The following EFHC2 variants were observed in gnomAD, a reference collection of about 807,000 sequenced individuals.
The protein encoded by EFHC2 is EF-hand domain-containing family member C2.
A neutral mutation model predicts 52.7 loss-of-function variants in EFHC2; 18 were observed. That is an observed-to-expected ratio of 0.34 (90% CI 0.24 to 0.51). The LOEUF is 0.51. Ranked by LOEUF, EFHC2 falls within the 20% of genes least tolerant of loss-of-function variation. The pLI is 0.97. For synonymous variants in EFHC2, 203 were observed against 204.1 expected (o/e 0.99, Z 0.04); for missense variants, 513 against 562.5 (o/e 0.91, Z 0.89).
chrX:44,177,271 C>G (rs746217496), intron 12 of EFHC2, among the ~76,000 whole-genome samples: 15 of 111,954 alleles, frequency 1.3e-4, no homozygotes, highest in Non-Finnish European at 2.1e-4. Context: ...AAAATACCAT[C>G]TTTATAAAAA....
chrX:44,182,290 C>G (rs2036841926), intron 11 of EFHC2, among the ~76,000 whole-genome samples: 1 of 112,622 alleles, frequency 8.9e-6, no homozygotes, highest in African/African-American at 3.2e-5. Flanking sequence ...ATTGTACTAT[C>G]ATACTATTGT....
At chrX:44,241,445 C>A (rs1244718870) in intron 8 of EFHC2, among the ~76,000 whole-genome samples, 1 of 112,039 alleles carries the variant, frequency 8.9e-6, no homozygotes, top group African/African-American at 3.2e-5. Flanking sequence ...CATTAATCAC[C>A]AAATAACACT....
rs375882817 is a variant in EFHC2, at chrX:44,327,891, C to A, written c.43-15135G>T. Among the ~76,000 whole-genome samples the A allele has an allele frequency of 1.7e-4, 19 of 111,933 alleles. No individual in the cohort carries two copies. In the East Asian group the frequency reaches 5.0e-3, roughly 30 times the overall value. On this transcript the variant is annotated intron_variant, in intron 1 of 14. Coordinates refer to ENST00000420999, the MANE Select transcript of EFHC2 (RefSeq NM_025184.4). ...AAAGTGTTGTGCTCATGATTCTTAG[C>A]CATCAACTCAATATAACAATAAGAT...
intron 10 of EFHC2, among the ~76,000 whole-genome samples, chrX:44,231,012 C>A (rs1460250264): frequency 8.9e-6 from 1 of 111,889 alleles, no homozygotes. Flanking sequence ...CCAAGCCAGG[C>A]CTGCTGGTCT....
chrX:44,251,626 A>AAAAAAAAAAAAAAAAAAAAAAAAAAT (rs2037450046), intron 4 of EFHC2, among the ~76,000 whole-genome samples: 1 of 83,223 alleles, frequency 1.2e-5, no homozygotes, highest in Non-Finnish European at 2.3e-5. Flanking sequence ...AAAAAAAAAA[A>AAAAAAAAAAAAAAAAAAAAAAAAAAT]AAAAAAAAAA....
intron 11 of EFHC2, among the ~76,000 whole-genome samples, chrX:44,229,002 A>G (rs1378047936): frequency 6.3e-5 from 7 of 111,795 alleles, no homozygotes. Flanking sequence ...CTGAATTTGA[A>G]TTTCCCTGTG....
At position 44,256,379 on chromosome X, in the gene EFHC2, T is replaced by C. The variant is rs746392866; in HGVS notation, c.606+4696A>G. Among the ~76,000 whole-genome samples, 42 of 110,693 alleles carry C rather than the reference T, an allele frequency of 3.8e-4. 3 individuals are homozygous for C. The South Asian group carries it at 0.015, about 40-fold the overall frequency. ...TGGTTTTTTGAAAAGATCAACAAAA[T>C]AGATAGACTGCTAGCCAGACTAATA... is the stretch of plus-strand genomic sequence containing the variant. On this transcript the variant is annotated intron_variant, in intron 4 of 14. Transcript: ENST00000420999.
At chrX:44,192,061 A>AGTGTGTGTGTGTGTGT (rs3037410) in intron 11 of EFHC2, among the ~76,000 whole-genome samples, 1 of 95,345 alleles carries the variant, frequency 1.0e-5, no homozygotes, top group Non-Finnish European at 2.1e-5. Context: ...CACATATGTA[A>AGTGTGTGTGTGTGTGT]GTGTGTGTGT....
chrX:44,295,937 C>A (rs1207243685), intron 2 of EFHC2, among the ~76,000 whole-genome samples: 1 of 111,653 alleles, frequency 9.0e-6, no homozygotes, highest in Non-Finnish European at 1.9e-5. Context: ...TTCACTTAGA[C>A]CTCCAAGGAA....
chrX:44,273,277 G>T (rs1241031924), intron 2 of EFHC2, among the ~76,000 whole-genome samples: 2 of 112,388 alleles, frequency 1.8e-5, no homozygotes, highest in African/African-American at 6.5e-5. Context: ...TAGTCCTGAT[G>T]ATTGCTTGCC....
chrX:44,194,992 G>A (rs2036951766), intron 11 of EFHC2, among the ~76,000 whole-genome samples: 1 of 112,022 alleles, frequency 8.9e-6, no homozygotes, highest in African/African-American at 3.2e-5. Context: ...GTGCCTCAAG[G>A]GGCAGTGAGC....
At chrX:44,156,577 T>C (rs1039090568) in intron 14 of EFHC2, among the ~76,000 whole-genome samples, 6 of 111,961 alleles carry the variant, frequency 5.4e-5, no homozygotes, top group Non-Finnish European at 7.5e-5. Flanking sequence ...CCCTACTTCC[T>C]GATGCCAAGG....
At chrX:44,253,433 G>C (rs1012087778) in intron 4 of EFHC2, among the ~76,000 whole-genome samples, 1 of 110,943 alleles carries the variant, frequency 9.0e-6, no homozygotes, top group Non-Finnish European at 1.9e-5. Flanking sequence ...GGAGCTTGGT[G>C]GGGGGAGGGG....
chrX:44,332,829 A>C (rs1362698065), intron 1 of EFHC2, among the ~76,000 whole-genome samples: 1 of 111,713 alleles, frequency 9.0e-6, no homozygotes, highest in Non-Finnish European at 1.9e-5. Flanking sequence ...GGACATCTTC[A>C]TATTGCCCTG....
chrX:44,331,260 G>GA (rs2038084699), intron 1 of EFHC2, among the ~76,000 whole-genome samples: 1 of 112,102 alleles, frequency 8.9e-6, no homozygotes, highest in Admixed American at 9.5e-5. Context: ...ATACCAAGTG[G>GA]AAAAAACAAA....
chrX:44,232,741 CAG>C, intron 9 of EFHC2, 64 bp from the exon 10 acceptor site: 1 of 1,029,867 alleles, frequency 9.7e-7, no homozygotes, highest in Non-Finnish European at 1.3e-6. Flanking sequence ...GACTTGCCTT[CAG>C]AGTTACTTTA....
intron 11 of EFHC2, among the ~76,000 whole-genome samples, chrX:44,187,630 T>A (rs1324404134): frequency 9.0e-6 from 1 of 110,888 alleles, no homozygotes; most frequent in East Asian, 2.8e-4. Flanking sequence ...CTACAGACAT[T>A]TTTAAAAATT....
Position 44,237,167 on chromosome X carries a change from C to A in EFHC2, c.1281-1720G>T, listed in dbSNP as rs576007686. 6.3e-5 allele frequency among the ~76,000 whole-genome samples: 7 copies of A among 110,602 alleles called. No individual in the cohort carries two copies. In the South Asian group the frequency reaches 2.7e-3, roughly 43 times the overall value. ...AATATATAGAATCCAGAGTCCAATCCCCAGAGATATGGGGGGATTCAGTAG... is the reference window on the plus strand; with the variant it reads ...AATATATAGAATCCAGAGTCCAATCACCAGAGATATGGGGGGATTCAGTAG... On this transcript the variant is annotated intron_variant, in intron 8 of 14. Coordinates refer to ENST00000420999, the MANE Select transcript of EFHC2 (RefSeq NM_025184.4).
intron 11 of EFHC2, among the ~76,000 whole-genome samples, chrX:44,222,572 G>A (rs1335291191): frequency 9.0e-6 from 1 of 111,656 alleles, no homozygotes; most frequent in Admixed American, 9.5e-5. Context: ...TTTGCCTCTT[G>A]TTTAGCTGCT....
Sources: gnomAD v4.1 joint callset for allele counts (sites outside exome capture counted in the v4.1 genomes callset) on GRCh38, gnomAD v4.1.1 for gene constraint, MANE v1.5 for transcripts, NCBI Gene and HGNC (gene_info 2026-07-23, HGNC 2026-07-21) for gene names.